MAD1L1: variants seen among roughly 807,000 people sequenced by gnomAD.
MAD1L1 encodes the protein mitotic arrest deficient 1 like 1.
In MAD1L1, 95 loss-of-function variants were observed where a neutral mutation model predicts 96.9. The ratio of observed to expected loss-of-function variants is 0.98; its 90% CI spans 0.83 to 1.16. MAD1L1 has a LOEUF of 1.16. Ranked by LOEUF, MAD1L1 falls within the 50% of genes most tolerant of loss-of-function variation. MAD1L1 has a pLI of 0.00. For synonymous variants in MAD1L1, 473 were observed against 396.6 expected, an observed-to-expected ratio of 1.19 and a Z score of -2.29; for missense variants, 1,007 against 954.4, an observed-to-expected ratio of 1.06 and a Z score of -0.73.
intron 18 of MAD1L1, chr7:1,848,004 C>T: frequency 5.8e-6 from 2 of 345,736 alleles, no homozygotes; most frequent in East Asian, 1.5e-4. Context: ...TTCAAATGAA[C>T]TGTGGACTCT....
At chr7:2,025,271 AT>A (rs1782950136) in intron 12 of MAD1L1, among the ~76,000 whole-genome samples, 1 of 152,240 alleles carries the variant, frequency 6.6e-6, no homozygotes. Flanking sequence ...AAAGAGAACA[AT>A]CAAAAGAGCT....
At position 1,965,355 on chromosome 7, in the gene MAD1L1, G is replaced by A. The variant is rs550931815; in HGVS notation, c.1506-7636C>T. Among the ~76,000 whole-genome samples, 104 of 152,316 alleles carry A rather than the reference G, an allele frequency of 6.8e-4. 1 individual carries two copies. The highest frequency in any genetic ancestry group is 6.8e-3 in the Middle Eastern group (2 of 294). On this transcript the variant is annotated intron_variant, in intron 15 of 18. Transcript: ENST00000265854. ...ACATGGCAGTGTGACGGGTGCCCAC[G>A]CCTGCCCTTCCTCTCCCACAGACAG...
intron 18 of MAD1L1, among the ~76,000 whole-genome samples, chr7:1,859,654 C>T (rs1477885091): frequency 6.6e-6 from 1 of 152,168 alleles, no homozygotes; most frequent in African/African-American, 2.4e-5. Flanking sequence ...GAGACAGGCC[C>T]CAGGCACAGC....
chr7:1,853,196 C>T (rs545471494), intron 18 of MAD1L1, among the ~76,000 whole-genome samples: 65 of 152,172 alleles, frequency 4.3e-4, no homozygotes, highest in Admixed American at 1.4e-3. Context: ...CATCTCAGTC[C>T]ACCACCACCT....
intron 18 of MAD1L1, among the ~76,000 whole-genome samples, chr7:1,897,097 G>A (rs1417557645): frequency 5.3e-5 from 8 of 151,276 alleles, no homozygotes; most frequent in South Asian, 2.1e-4. Context: ...AGCCCGGCAC[G>A]GTGCCCCCGT....
In MAD1L1 at chr7:1,831,474, AC is replaced by A. The variant is rs1216207194; in HGVS notation, c.1999-15247del. ...AATATTGAAACCAGGCCCATTAATA[AC>A]CCTAGAATGGCTTCTAGGTGTTCAA... On this transcript the variant is annotated intron_variant, in intron 18 of 18. Transcript: ENST00000265854. 5.3e-5 allele frequency among the ~76,000 whole-genome samples: 8 copies of A among 152,178 alleles called. No homozygotes were observed. In the South Asian group the frequency reaches 8.3e-4, roughly 16 times the overall value.
intron 18 of MAD1L1, among the ~76,000 whole-genome samples, chr7:1,876,072 C>A (rs945191036): frequency 6.6e-6 from 1 of 152,222 alleles, no homozygotes; most frequent in Non-Finnish European, 1.5e-5. Context: ...CTCAGCCCCC[C>A]GCCGTGGGGC....
At chr7:2,022,800 T>A (rs1309637526) in intron 12 of MAD1L1, among the ~76,000 whole-genome samples, 1 of 152,106 alleles carries the variant, frequency 6.6e-6, no homozygotes, top group Non-Finnish European at 1.5e-5. Flanking sequence ...CCCAATTATA[T>A]GCTGTTTATA....
chr7:2,063,074 A>G (rs1289627602), intron 12 of MAD1L1, among the ~76,000 whole-genome samples: 1 of 152,250 alleles, frequency 6.6e-6, no homozygotes, highest in Admixed American at 6.5e-5. Context: ...CGTTTAGAGC[A>G]CGGCTCCGTC....
chr7:2,169,412 G>A (rs993099980), intron 10 of MAD1L1, among the ~76,000 whole-genome samples: 3 of 151,984 alleles, frequency 2.0e-5, no homozygotes, highest in Admixed American at 6.5e-5. Context: ...GCTCAACTTC[G>A]TCATGTCAAG....
intron 10 of MAD1L1, among the ~76,000 whole-genome samples, chr7:2,184,701 A>T (rs1791376261): frequency 6.6e-6 from 1 of 152,140 alleles, no homozygotes; most frequent in Non-Finnish European, 1.5e-5. Flanking sequence ...GATTCGTACA[A>T]GTTAAAAATG....
chr7:1,867,167 C>T (rs533778743), intron 18 of MAD1L1, among the ~76,000 whole-genome samples: 2 of 152,312 alleles, frequency 1.3e-5, no homozygotes, highest in Non-Finnish European at 2.9e-5. Context: ...ATGGCACGGT[C>T]AGTGCCACAG....
intron 10 of MAD1L1, among the ~76,000 whole-genome samples, chr7:2,194,697 G>A (rs1307164076): frequency 6.6e-6 from 1 of 152,042 alleles, no homozygotes; most frequent in Non-Finnish European, 1.5e-5. Flanking sequence ...ACCTATCATA[G>A]GTACCCACTG....
chr7:2,164,605 G>C (rs887756963), intron 10 of MAD1L1, among the ~76,000 whole-genome samples: 25 of 143,184 alleles, frequency 1.7e-4, no homozygotes, highest in Admixed American at 1.4e-3. Flanking sequence ...GGGGGGGGGG[G>C]GGTTGCGGGT....
chr7:2,103,439 G>A lies in MAD1L1; in HGVS notation c.1074-34101C>T, dbSNP rs530444752. On this transcript the variant is annotated intron_variant, in intron 11 of 18. Coordinates refer to ENST00000265854, the MANE Select transcript of MAD1L1 (RefSeq NM_001013836.2). The surrounding 1 kb of genome is among the most constrained non-coding windows in gnomAD (Gnocchi z 4.3). ...GAAGAAGTGGGTGAGCACCTGAGAG[G>A]ACAGAGGGTGAGGCGATACAGCAGT... Among the ~76,000 whole-genome samples, 2 of 152,258 alleles carry A rather than the reference G, an allele frequency of 1.3e-5. No homozygotes were observed. Among genetic ancestry groups the A allele is most frequent in the African/African-American group, 4.8e-5 (2 of 41,538 alleles).
Position 2,087,579 on chromosome 7 carries a change from G to T in MAD1L1, c.1074-18241C>A, listed in dbSNP as rs184269674. Among the ~76,000 whole-genome samples the T allele has an allele frequency of 3.6e-3, 554 of 152,248 alleles. 4 individuals carry two copies. Among genetic ancestry groups the T allele is most frequent in the African/African-American group, 0.013 (544 of 41,542 alleles). On this transcript the variant is annotated intron_variant, in intron 11 of 18. Transcript: ENST00000265854. ...TAATACTACTACTAATCAGGAAATG[G>T]AGAAGCCCAAATGGAATACAACTGT...
At chr7:2,023,209 C>T (rs1368311833) in intron 12 of MAD1L1, among the ~76,000 whole-genome samples, 1 of 152,216 alleles carries the variant, frequency 6.6e-6, no homozygotes, top group Non-Finnish European at 1.5e-5. Flanking sequence ...AATGACAGAA[C>T]ACTGCATCAA....
At chr7:2,043,641 TG>T (rs1048970664) in intron 12 of MAD1L1, among the ~76,000 whole-genome samples, 2 of 152,186 alleles carry the variant, frequency 1.3e-5, no homozygotes, top group East Asian at 1.9e-4. Flanking sequence ...GCGGAGGGCC[TG>T]GGGGGGCTGG....
intron 17 of MAD1L1, among the ~76,000 whole-genome samples, chr7:1,909,113 G>A (rs1054688904): frequency 4.6e-5 from 7 of 152,220 alleles, no homozygotes; most frequent in African/African-American, 1.7e-4. Flanking sequence ...AGCCTCTGAA[G>A]GAGCCCGACA....
Sources: gnomAD v4.1 joint callset for allele counts (sites outside exome capture counted in the v4.1 genomes callset) on GRCh38, gnomAD v4.1.1 for gene constraint, Gnocchi (gnomAD v3.1) non-coding constraint, MANE v1.5 for transcripts, NCBI Gene and HGNC (gene_info 2026-07-23, HGNC 2026-07-21) for gene names.